PAGE2B: variants seen among roughly 807,000 people sequenced by gnomAD.
The protein encoded by PAGE2B is putative G antigen family E member 3.
Under a neutral mutation model 7.6 loss-of-function variants are expected in PAGE2B, and 5 were observed. That is an observed-to-expected ratio of 0.66 (90% CI 0.34 to 1.38). The LOEUF (loss-of-function observed/expected upper bound fraction) is 1.38. Ranked by LOEUF, PAGE2B falls within the 40% of genes most tolerant of loss-of-function variation. The probability of loss-of-function intolerance (pLI) is 0.04; values close to 1 mark genes in which losing one functional copy is unlikely to be tolerated. For missense variants in PAGE2B, 70 were observed against 78.4 expected, an observed-to-expected ratio of 0.89 and a Z score of 0.41; for synonymous variants, 29 against 26.7, an observed-to-expected ratio of 1.09 and a Z score of -0.27.
the PAGE2B span, among the ~76,000 whole-genome samples, chrX:55,051,684 A>C: frequency 0.034 from 3,830 of 111,138 alleles, 176 homozygotes; most frequent in African/African-American, 0.12. Flanking sequence ...ACTTCTCTGC[A>C]TTGGTTATTC....
At chrX:55,033,942 T>C in the PAGE2B span, among the ~76,000 whole-genome samples, 9 of 112,481 alleles carry the variant, frequency 8.0e-5, no homozygotes, top group Non-Finnish European at 1.3e-4. Flanking sequence ...TCACCACAAA[T>C]ATTAGTATTG....
At chrX:55,063,690 AC>A in the PAGE2B span, among the ~76,000 whole-genome samples, 16 of 110,780 alleles carry the variant, frequency 1.4e-4, no homozygotes, top group African/African-American at 4.9e-4. Context: ...CTAGCTATGG[AC>A]CTGTTGTATA....
At chrX:55,044,354 G>T in the PAGE2B span, among the ~76,000 whole-genome samples, 4 of 111,519 alleles carry the variant, frequency 3.6e-5, no homozygotes, top group African/African-American at 1.3e-4. Flanking sequence ...AGTAACTCAG[G>T]AATGGAAAAC....
chrX:55,057,648 G>C, the PAGE2B span, among the ~76,000 whole-genome samples: 2 of 111,436 alleles, frequency 1.8e-5, no homozygotes, highest in East Asian at 5.7e-4. Flanking sequence ...AATTCACCTA[G>C]CTTTAAAAGC....
At chrX:55,056,348 G>A in the PAGE2B span, among the ~76,000 whole-genome samples, 12 of 111,136 alleles carry the variant, frequency 1.1e-4, no homozygotes, top group African/African-American at 3.9e-4. Flanking sequence ...AGTAGAAGAG[G>A]TAGGAGTCTT....
the PAGE2B span, among the ~76,000 whole-genome samples, chrX:55,042,725 A>G: frequency 9.5e-6 from 1 of 105,218 alleles, no homozygotes; most frequent in African/African-American, 3.5e-5. Context: ...AACACATCAC[A>G]TGCTTATGAA....
At chrX:55,047,024 C>A in the PAGE2B span, among the ~76,000 whole-genome samples, 1 of 110,820 alleles carries the variant, frequency 9.0e-6, no homozygotes, top group Admixed American at 9.6e-5. Context: ...GTGTGCTGCA[C>A]CCATTAACTC....
chrX:55,075,802 C>T (rs1936504367), intron 1 of PAGE2B, among the ~76,000 whole-genome samples: 1 of 111,295 alleles, frequency 9.0e-6, no homozygotes, highest in South Asian at 3.8e-4. Flanking sequence ...GCAGAAATGT[C>T]CTCTGTCTTT....
chrX:55,045,358 A>G, the PAGE2B span, among the ~76,000 whole-genome samples: 1 of 111,650 alleles, frequency 9.0e-6, no homozygotes, highest in Admixed American at 9.6e-5. Context: ...AAGGAAACAC[A>G]TATCACGCTA....
chrX:55,068,465 G>C, the PAGE2B span, among the ~76,000 whole-genome samples: 1 of 111,830 alleles, frequency 8.9e-6, no homozygotes. Flanking sequence ...TTGAAGTCAG[G>C]TAGCATGATG....
At chrX:55,050,916 C>A in the PAGE2B span, among the ~76,000 whole-genome samples, 1 of 111,815 alleles carries the variant, frequency 8.9e-6, no homozygotes, top group South Asian at 3.8e-4. Flanking sequence ...ATGGTCTTTA[C>A]AATTTGGCAT....
the PAGE2B span, among the ~76,000 whole-genome samples, chrX:55,042,944 C>T: frequency 9.0e-6 from 1 of 110,781 alleles, no homozygotes; most frequent in Admixed American, 9.7e-5. Context: ...TGACTTCAAA[C>T]TATCCTATAA....
the PAGE2B span, among the ~76,000 whole-genome samples, chrX:55,053,015 T>C: frequency 8.8e-6 from 1 of 113,046 alleles, no homozygotes; most frequent in African/African-American, 3.2e-5. Context: ...TTTTATCTTT[T>C]GTACTTCTAC....
the PAGE2B span, among the ~76,000 whole-genome samples, chrX:55,028,239 C>T: frequency 9.0e-6 from 1 of 110,784 alleles, no homozygotes; most frequent in East Asian, 2.9e-4. Context: ...GGGGTCTGAC[C>T]ACTCCCCAAG....
chrX:55,042,653 C>CAAAAAAAAAA, the PAGE2B span, among the ~76,000 whole-genome samples: 9 of 11,860 alleles, frequency 7.6e-4, no homozygotes, highest in African/African-American at 8.8e-4. Context: ...GACTCCGTCT[C>CAAAAAAAAAA]AAAAAAAAAA....
At chrX:55,061,249 A>G in the PAGE2B span, among the ~76,000 whole-genome samples, 2 of 110,677 alleles carry the variant, frequency 1.8e-5, no homozygotes, top group African/African-American at 6.6e-5. Context: ...ATTCTTTGCA[A>G]CTTCTATTTC....
At chrX:55,073,111 T>C (rs1263775733), upstream of PAGE2B, among the ~76,000 whole-genome samples, 2 of 110,436 alleles carry the variant, frequency 1.8e-5, no homozygotes, top group Non-Finnish European at 3.8e-5. Context: ...GCTACTGGGG[T>C]ACCAAAAAAA....
At chrX:55,048,122 C>T in the PAGE2B span, among the ~76,000 whole-genome samples, 3 of 111,844 alleles carry the variant, frequency 2.7e-5, no homozygotes, top group Admixed American at 9.5e-5. Context: ...GATCAGATAG[C>T]TGTAGATATG....
At chrX:55,057,063 G>T in the PAGE2B span, among the ~76,000 whole-genome samples, 1 of 111,508 alleles carries the variant, frequency 9.0e-6, no homozygotes, top group African/African-American at 3.3e-5. Context: ...ATACACAGGT[G>T]GGATTAATTT....
Sources: allele counts gnomAD v4.1 joint callset (sites outside exome capture counted in the v4.1 genomes callset), GRCh38; gene constraint gnomAD v4.1.1; transcripts MANE v1.5; gene names NCBI Gene and HGNC (gene_info 2026-07-23, HGNC 2026-07-21).